POGZ: variants seen among roughly 807,000 people sequenced by gnomAD.
POGZ encodes the protein pogo transposable element with ZNF domain.
In POGZ, 17 loss-of-function variants were observed where a neutral mutation model predicts 134.6. The observed-to-expected ratio is 0.13, with a 90% confidence interval of 0.09 to 0.19. The LOEUF (loss-of-function observed/expected upper bound fraction) is 0.19, where lower values mean the gene tolerates loss of function less well. Ranked by LOEUF, POGZ falls within the 10% of genes least tolerant of loss-of-function variation. The probability of loss-of-function intolerance (pLI) is 1.00; values close to 1 mark genes in which losing one functional copy is unlikely to be tolerated. For missense variants in POGZ, 1,306 were observed against 1,769.7 expected, an observed-to-expected ratio of 0.74 and a Z score of 4.70; for synonymous variants, 693 against 657.1, an observed-to-expected ratio of 1.05 and a Z score of -0.84.
At position 151,405,137 on chromosome 1, in the gene POGZ, G is replaced by A. The variant is rs201722331; in HGVS notation, c.3898C>T (p.Leu1300=). Reference sequence around the variant, plus strand: ...ACTTCACCCAGCCAGACAAGCACCAGCTGAAGCAGGACATCAGAATCACAT... The same window carrying A: ...ACTTCACCCAGCCAGACAAGCACCAACTGAAGCAGGACATCAGAATCACAT... The part of the protein sequence containing the change: ...TACDSDVLLQ[L]VLVWLGEVLG... Residue 1300 remains leucine (L), a synonymous_variant, in exon 19 of 19, where the codon CTG becomes TTG. Transcript: ENST00000271715. This position sits in a 1 kb window ranked among gnomAD's most constrained non-coding sequence, Gnocchi z 4.9. The A allele has an allele frequency of 1.7e-5, 28 of 1,614,210 alleles. No individual in the cohort carries two copies. The East Asian group carries it at 5.8e-4, about 33-fold the overall frequency.
intron 3 of POGZ, among the ~76,000 whole-genome samples, chr1:151,440,135 A>G (rs1426357056): frequency 6.6e-6 from 1 of 151,914 alleles, no homozygotes; most frequent in African/African-American, 2.4e-5. Context: ...AATAAAAGTA[A>G]CCATCAGTTA....
intron 3 of POGZ, chr1:151,438,850 G>A (rs58057716): frequency 0.15 from 23,136 of 151,796 alleles, 3,964 homozygotes; most frequent in East Asian, 0.45. Context: ...GCACTCCAGC[G>A]TGGGTGACAA....
At chr1:151,436,346 A>C (rs949510685) in intron 3 of POGZ, among the ~76,000 whole-genome samples, 1 of 152,172 alleles carries the variant, frequency 6.6e-6, no homozygotes, top group African/African-American at 2.4e-5. Context: ...AGCCCCTGGC[A>C]ACCACGAATC....
chr1:151,414,904 G>C (rs1048285935), intron 10 of POGZ, among the ~76,000 whole-genome samples: 1 of 152,194 alleles, frequency 6.6e-6, no homozygotes, highest in Non-Finnish European at 1.5e-5. Flanking sequence ...ACAGGGGAAG[G>C]AGCTAATACA....
chr1:151,422,547 T>C (rs550674611), intron 10 of POGZ, among the ~76,000 whole-genome samples: 1 of 152,334 alleles, frequency 6.6e-6, no homozygotes, highest in Admixed American at 6.5e-5. Context: ...GCTTACCTTA[T>C]ATTTCACTGA....
chr1:151,421,031 A>C (rs1656815336), intron 10 of POGZ, among the ~76,000 whole-genome samples: 1 of 149,400 alleles, frequency 6.7e-6, no homozygotes, highest in Non-Finnish European at 1.5e-5. Context: ...TTAATTTATA[A>C]ATTAGGCAAA....
chr1:151,443,056 G>A (rs1461128589), intron 1 of POGZ, among the ~76,000 whole-genome samples: 1 of 152,070 alleles, frequency 6.6e-6, no homozygotes, highest in Non-Finnish European at 1.5e-5. Context: ...AAAGTTTAAT[G>A]TGTAATACCC....
At chr1:151,419,041 A>G (rs897060426) in intron 10 of POGZ, among the ~76,000 whole-genome samples, 13 of 148,744 alleles carry the variant, frequency 8.7e-5, no homozygotes, top group Non-Finnish European at 1.4e-4. Context: ...AAAAAAAAAA[A>G]AAAAAGAAAA....
intron 11 of POGZ, 105 bp downstream of exon 11, chr1:151,412,191 T>A: frequency 1.6e-6 from 1 of 643,648 alleles, no homozygotes; most frequent in Non-Finnish European, 2.8e-6. Flanking sequence ...TCAGAGTTCC[T>A]AAACTGAGTG....
chr1:151,407,241 G>T lies in POGZ; in HGVS notation c.2426C>A (p.Ser809Tyr), dbSNP rs1456577237. Residue 809 changes from serine to tyrosine, a missense_variant, in exon 16 of 19, where the codon TCT (serine) becomes TAT (tyrosine). This residue lies in a region of POGZ where 34 missense variants were observed against 95.5 expected (regional missense o/e 0.36). Transcript: ENST00000271715. ...CCAATAAGTTTTTTCTTACCTCACA[G>T]AATTTTTAAACAAAGCCAAATACTT... ...SPKYLALFKN[S>Y]VSGIKLACTS... The T allele has an allele frequency of 1.2e-6, 2 of 1,600,338 alleles. No homozygotes were observed. Among genetic ancestry groups the T allele is most frequent in the Non-Finnish European group, 1.7e-6 (2 of 1,173,770 alleles).
At chr1:151,411,054 T>G (rs1654577961) in intron 12 of POGZ, among the ~76,000 whole-genome samples, 1 of 152,232 alleles carries the variant, frequency 6.6e-6, no homozygotes, top group Admixed American at 6.5e-5. Context: ...ATCCATTCTC[T>G]GCAGTGCAGG....
intron 10 of POGZ, among the ~76,000 whole-genome samples, chr1:151,415,312 C>T (rs1339430048): frequency 6.6e-6 from 1 of 152,250 alleles, no homozygotes; most frequent in East Asian, 1.9e-4. Flanking sequence ...ACATCTGTTA[C>T]CTTTAATGAG....
chr1:151,448,454 T>A (rs1483168549), intron 1 of POGZ, among the ~76,000 whole-genome samples: 1 of 152,152 alleles, frequency 6.6e-6, no homozygotes, highest in East Asian at 1.9e-4. Flanking sequence ...TCTATTAAAA[T>A]TTTTAAAAAA....
At chr1:151,410,588 A>C (rs1234956726) in intron 12 of POGZ, among the ~76,000 whole-genome samples, 1 of 152,156 alleles carries the variant, frequency 6.6e-6, no homozygotes, top group Non-Finnish European at 1.5e-5. Context: ...TCTTATTCTC[A>C]ACAGGGTTGG....
chr1:151,452,340 A>T (rs756306779), intron 1 of POGZ, among the ~76,000 whole-genome samples: 6 of 151,862 alleles, frequency 4.0e-5, no homozygotes, highest in Non-Finnish European at 8.8e-5. Flanking sequence ...GGGGTTAAGC[A>T]AATACATAGA....
At chr1:151,432,550 A>AT (rs1658874212) in intron 3 of POGZ, among the ~76,000 whole-genome samples, 1 of 152,224 alleles carries the variant, frequency 6.6e-6, no homozygotes, top group Admixed American at 6.5e-5. Flanking sequence ...GGTTTTTTAA[A>AT]TTTTTAAATG....
intron 3 of POGZ, among the ~76,000 whole-genome samples, chr1:151,439,939 C>T (rs1660253857): frequency 6.6e-6 from 1 of 151,976 alleles, no homozygotes; most frequent in Admixed American, 6.6e-5. Context: ...ATAAGTTAAT[C>T]AAATAATGGG....
In POGZ at chr1:151,455,635, A is replaced by T. The variant is rs185899391; in HGVS notation, c.-2+3517T>A. Among the ~76,000 whole-genome samples the T allele has an allele frequency of 1.6e-4, 24 of 152,356 alleles. No homozygotes were observed. In the East Asian group the frequency reaches 4.2e-3, roughly 27 times the overall value. On this transcript the variant is annotated intron_variant, in intron 1 of 18. Transcript: ENST00000271715. ...AAGCCCATTATAAGTTAACATAAATAACATTTCAACAAAAAATACTTTCCC... is the reference window on the plus strand; with the variant it reads ...AAGCCCATTATAAGTTAACATAAATTACATTTCAACAAAAAATACTTTCCC...
rs1385603582 is a variant in POGZ at position 151,403,344 on chromosome 1, A to C, written c.*1458T>G. 1 of 985,410 alleles carries C rather than the reference A, an allele frequency of 1.0e-6. No homozygotes were observed. The highest frequency in any genetic ancestry group is 1.2e-6 in the Non-Finnish European group (1 of 829,706). The allele number at this position is 985,410 out of a possible 1,614,324, so 61.0% of individuals were successfully genotyped here. A position where few individuals can be genotyped will look rare whatever the true frequency, so the allele number is the denominator to read the frequency against. On this transcript the variant is annotated 3_prime_UTR_variant, in exon 19 of 19. Transcript: ENST00000271715. ...TTAAACAGGGTCACCTAGAAAAAAA[A>C]CAAGTTTATAAATCCATTTCCCCTC...
Sources: allele counts gnomAD v4.1 joint callset (sites outside exome capture counted in the v4.1 genomes callset), GRCh38; gene constraint gnomAD v4.1.1; regional missense constraint gnomAD v4.1.1; non-coding constraint Gnocchi (gnomAD v3.1); transcripts MANE v1.5; gene names NCBI Gene and HGNC (gene_info 2026-07-23, HGNC 2026-07-21).